The following TGFB2 variants were observed in gnomAD, a reference collection of about 807,000 sequenced individuals.
The protein encoded by TGFB2 is transforming growth factor beta 2, also known as transforming growth factor beta-2 proprotein.
TGFB2 carries 13 observed loss-of-function variants against 42.7 expected under a neutral mutation model. The observed-to-expected ratio is 0.30, with a 90% CI of 0.20 to 0.48. The LOEUF (loss-of-function observed/expected upper bound fraction) is 0.48, where lower values mean the gene tolerates loss of function less well. Among genes scored for constraint, TGFB2 ranks in the 20% least tolerant of loss-of-function variants. TGFB2 has a pLI of 0.99. For synonymous variants in TGFB2, 193 were observed against 193.6 expected, an observed-to-expected ratio of 1.00 and a Z score of 0.03; for missense variants, 390 against 517.5, an observed-to-expected ratio of 0.75 and a Z score of 2.39.
intron 1 of TGFB2, among the ~76,000 whole-genome samples, chr1:218,364,186 C>T (rs897650460): frequency 6.6e-6 from 1 of 152,124 alleles, no homozygotes; most frequent in Non-Finnish European, 1.5e-5. Flanking sequence ...GTCTCGTTTG[C>T]TTAAGGAAAT....
At chr1:218,399,052 T>C (rs1571869659) in intron 1 of TGFB2, among the ~76,000 whole-genome samples, 1 of 152,248 alleles carries the variant, frequency 6.6e-6, no homozygotes, top group South Asian at 2.1e-4. Flanking sequence ...CCCAGCTAAT[T>C]TTTTATTTTT....
chr1:218,361,521 G>A (rs1488030359), intron 1 of TGFB2, among the ~76,000 whole-genome samples: 1 of 152,090 alleles, frequency 6.6e-6, no homozygotes, highest in Admixed American at 6.6e-5. Context: ...GCGTACACTG[G>A]CCTGAAGAAG....
At chr1:218,373,584 AT>A (rs1657644978) in intron 1 of TGFB2, among the ~76,000 whole-genome samples, 1 of 152,056 alleles carries the variant, frequency 6.6e-6, no homozygotes, top group African/African-American at 2.4e-5. Context: ...CACTATTATT[AT>A]TCTAAATTTT....
chr1:218,376,292 T>C (rs1657739334), intron 1 of TGFB2, among the ~76,000 whole-genome samples: 2 of 152,222 alleles, frequency 1.3e-5, no homozygotes, highest in Admixed American at 1.3e-4. Flanking sequence ...GTGTTAGTAA[T>C]GATTTCTACA....
At chr1:218,414,899 C>G (rs1338221589) in intron 2 of TGFB2, among the ~76,000 whole-genome samples, 1 of 152,124 alleles carries the variant, frequency 6.6e-6, no homozygotes, top group African/African-American at 2.4e-5. Flanking sequence ...CCAGGCCAGG[C>G]AGGTAGGAAG....
chr1:218,435,624 C>G (rs982269567), intron 4 of TGFB2, among the ~76,000 whole-genome samples: 1 of 152,168 alleles, frequency 6.6e-6, no homozygotes, highest in Admixed American at 6.5e-5. Context: ...TTGTTGAGGG[C>G]TTGAACGCAG....
intron 1 of TGFB2, among the ~76,000 whole-genome samples, chr1:218,392,553 C>G (rs996181949): frequency 6.6e-6 from 1 of 152,164 alleles, no homozygotes; most frequent in African/African-American, 2.4e-5. Context: ...GGCCACCTGT[C>G]TGGGTTCTAA....
intron 1 of TGFB2, among the ~76,000 whole-genome samples, chr1:218,392,899 C>T (rs916825125): frequency 2.0e-4 from 31 of 152,154 alleles, no homozygotes; most frequent in African/African-American, 5.5e-4. Flanking sequence ...GGGTGTGCCC[C>T]GCCACTTATT....
intron 2 of TGFB2, among the ~76,000 whole-genome samples, chr1:218,421,903 C>G (rs1198100106): frequency 2.0e-5 from 3 of 152,060 alleles, no homozygotes. Context: ...CCAAAAATTG[C>G]CAGCAAACCA....
Position 218,385,036 on chromosome 1 carries a change from C to G in TGFB2, c.347-20133C>G, listed in dbSNP as rs146422898. Among the ~76,000 whole-genome samples the G allele has an allele frequency of 1.0e-3, 157 of 152,260 alleles. 2 individuals are homozygous for G. The East Asian group carries it at 0.014, about 14-fold the overall frequency. ...CATTGAAACCAGAGTGAACCCTTCC[C>G]ATGTTTGGGATGGGTGTGGTGAGTG... On this transcript the variant is annotated intron_variant, in intron 1 of 6. Coordinates refer to ENST00000366930, the MANE Select transcript of TGFB2 (RefSeq NM_003238.6).
intron 1 of TGFB2, among the ~76,000 whole-genome samples, chr1:218,383,928 C>T (rs1423300369): frequency 5.3e-5 from 8 of 152,212 alleles, no homozygotes; most frequent in African/African-American, 1.9e-4. Context: ...TGTGAAACAA[C>T]ACAAGAATGC....
intron 1 of TGFB2, among the ~76,000 whole-genome samples, chr1:218,376,656 A>G (rs1461609839): frequency 6.6e-6 from 1 of 152,202 alleles, no homozygotes. Flanking sequence ...GGATGAATCC[A>G]GATGTGTACC....
chr1:218,423,778 A>C (rs922893181), intron 2 of TGFB2, among the ~76,000 whole-genome samples: 1 of 152,216 alleles, frequency 6.6e-6, no homozygotes, highest in Non-Finnish European at 1.5e-5. Flanking sequence ...GAACATAATC[A>C]TAACAATAAC....
At chr1:218,396,493 T>G (rs1426708274) in intron 1 of TGFB2, among the ~76,000 whole-genome samples, 2 of 152,000 alleles carry the variant, frequency 1.3e-5, no homozygotes, top group African/African-American at 4.8e-5. Context: ...GGGAGGCCAG[T>G]GAGGTGTGAT....
intron 2 of TGFB2, among the ~76,000 whole-genome samples, chr1:218,422,201 TTTTTTTTG>T (rs1398095404): frequency 2.0e-5 from 3 of 151,326 alleles, no homozygotes; most frequent in Non-Finnish European, 4.4e-5. Flanking sequence ...TTTCTTCTTG[TTTTTTTTG>T]TTTTTTTGTT....
chr1:218,397,333 G>A (rs960590601), intron 1 of TGFB2, among the ~76,000 whole-genome samples: 13 of 151,622 alleles, frequency 8.6e-5, no homozygotes, highest in African/African-American at 3.2e-4. Flanking sequence ...GGAGGCTAAG[G>A]CAGGCGGATC....
In TGFB2 at chr1:218,356,707, C is replaced by T. The variant is rs115609930; in HGVS notation, c.346+9660C>T. 3.8e-3 allele frequency among the ~76,000 whole-genome samples: 581 copies of T among 152,268 alleles called. 4 individuals are homozygous for T. The highest frequency in any genetic ancestry group is 0.01 in the Middle Eastern group (3 of 294). On this transcript the variant is annotated intron_variant, in intron 1 of 6. Coordinates refer to ENST00000366930, the MANE Select transcript of TGFB2 (RefSeq NM_003238.6). ...TTCTGGGGCTGGTTTCGCTTCTCCTCACAGGTGTCCTGTCTCTCATCACTT... is the reference window on the plus strand; with the variant it reads ...TTCTGGGGCTGGTTTCGCTTCTCCTTACAGGTGTCCTGTCTCTCATCACTT...
intron 1 of TGFB2, among the ~76,000 whole-genome samples, chr1:218,358,641 G>A (rs553705453): frequency 4.7e-5 from 7 of 148,806 alleles, no homozygotes; most frequent in African/African-American, 1.0e-4. Context: ...CTCTGCCTCC[G>A]GGGTTCATGC....
At chr1:218,418,068 T>A (rs1659338797) in intron 2 of TGFB2, among the ~76,000 whole-genome samples, 1 of 152,188 alleles carries the variant, frequency 6.6e-6, no homozygotes, top group South Asian at 2.1e-4. Context: ...CACCACCTAG[T>A]GGAGCTGTGA....
Sources: gnomAD v4.1 joint callset for allele counts (sites outside exome capture counted in the v4.1 genomes callset) on GRCh38, gnomAD v4.1.1 for gene constraint, MANE v1.5 for transcripts, NCBI Gene and HGNC (gene_info 2026-07-23, HGNC 2026-07-21) for gene names.